The following SPAG16 variants were observed in gnomAD, a reference collection of about 807,000 sequenced individuals.
SPAG16 encodes the protein sperm associated antigen 16.
In SPAG16, 86 loss-of-function variants were observed where a neutral mutation model predicts 80.4. That is an observed-to-expected ratio of 1.07 (90% CI 0.90 to 1.28). The LOEUF (loss-of-function observed/expected upper bound fraction) is 1.28, where lower values mean the gene tolerates loss of function less well. Among genes scored for constraint, SPAG16 ranks in the 50% most tolerant of loss-of-function variants. The pLI is 0.00. For missense variants in SPAG16, 870 were observed against 765.3 expected, an observed-to-expected ratio of 1.14 and a Z score of -1.61; for synonymous variants, 294 against 265.9, an observed-to-expected ratio of 1.11 and a Z score of -1.03.
intron 10 of SPAG16, among the ~76,000 whole-genome samples, chr2:213,813,216 A>G (rs2072290042): frequency 6.6e-6 from 1 of 152,236 alleles, no homozygotes; most frequent in Admixed American, 6.5e-5. Context: ...AACACCTTCA[A>G]AGAGAGGCAG....
At chr2:213,789,156 T>TA (rs1268081112) in intron 10 of SPAG16, among the ~76,000 whole-genome samples, 2 of 151,960 alleles carry the variant, frequency 1.3e-5, no homozygotes, top group Non-Finnish European at 2.9e-5. Flanking sequence ...AAAAATAGAT[T>TA]AAAAATCCTT....
intron 10 of SPAG16, among the ~76,000 whole-genome samples, chr2:213,756,459 C>T (rs1019707643): frequency 1.1e-4 from 16 of 152,164 alleles, no homozygotes; most frequent in African/African-American, 3.6e-4. Context: ...CACCACTGCA[C>T]TCCAGCCTAG....
At chr2:213,685,770 A>G (rs567085588) in intron 10 of SPAG16, among the ~76,000 whole-genome samples, 6 of 152,312 alleles carry the variant, frequency 3.9e-5, no homozygotes, top group South Asian at 2.1e-4. Flanking sequence ...CTTGGACACT[A>G]GAGTGGTAGT....
chr2:213,833,431 A>ATG lies in SPAG16; in HGVS notation c.1071-29044_1071-29043dup, dbSNP rs201849245. ...TGTGTATGTATGTATGTATCTATGTATGTGTGTGTGTATATATATATATTA... is the reference window on the plus strand; with the variant it reads ...TGTGTATGTATGTATGTATCTATGTATGTGTGTGTGTGTATATATATATATTA... On this transcript the variant is annotated intron_variant, in intron 10 of 15. Transcript: ENST00000331683. Among the ~76,000 whole-genome samples the ATG allele has an allele frequency of 1.3e-4, 4 of 29,818 alleles. 1 individual carries two copies. In the East Asian group the frequency reaches 3.6e-3, roughly 27 times the overall value. The allele number at this position is 29,818 out of a possible 152,430, so 19.6% of individuals were successfully genotyped here.
At chr2:213,718,652 G>T (rs10153920) in intron 10 of SPAG16, among the ~76,000 whole-genome samples, 152,083 of 152,098 alleles carry the variant, frequency 1, 76,034 homozygotes, top group African/African-American at 1. Flanking sequence ...GCTGCGGAGG[G>T]TGTACTGAGT....
At chr2:213,949,935 A>T (rs2079660332) in intron 12 of SPAG16, among the ~76,000 whole-genome samples, 1 of 152,210 alleles carries the variant, frequency 6.6e-6, no homozygotes, top group Non-Finnish European at 1.5e-5. Context: ...CAATTCTTAC[A>T]CGTGTGAACA....
chr2:213,988,349 G>A (rs1434601196), intron 12 of SPAG16, among the ~76,000 whole-genome samples: 1 of 151,840 alleles, frequency 6.6e-6, no homozygotes, highest in Non-Finnish European at 1.5e-5. Context: ...TGTATCTTGG[G>A]CCATAAAACA....
intron 10 of SPAG16, among the ~76,000 whole-genome samples, chr2:213,581,903 A>G (rs1004037937): frequency 6.6e-6 from 1 of 152,104 alleles, no homozygotes; most frequent in African/African-American, 2.4e-5. Flanking sequence ...CTTTCATTTA[A>G]AAGAGCCACA....
intron 6 of SPAG16, among the ~76,000 whole-genome samples, chr2:213,342,221 A>G (rs1312775323): frequency 6.6e-6 from 1 of 151,170 alleles, no homozygotes; most frequent in Non-Finnish European, 1.5e-5. Context: ...GTATGTATTT[A>G]TGAATATGTA....
intron 13 of SPAG16, among the ~76,000 whole-genome samples, chr2:214,053,055 A>G (rs1209649050): frequency 2.6e-5 from 4 of 152,208 alleles, no homozygotes; most frequent in Non-Finnish European, 5.9e-5. Context: ...GGGACCAAAA[A>G]TTGATTTAAG....
At chr2:213,662,057 T>C (rs574055104) in intron 10 of SPAG16, among the ~76,000 whole-genome samples, 1 of 151,058 alleles carries the variant, frequency 6.6e-6, no homozygotes, top group Non-Finnish European at 1.5e-5. Context: ...ACAGTATTGA[T>C]AAACCTTATT....
At chr2:213,369,764 G>A (rs573798485) in intron 8 of SPAG16, among the ~76,000 whole-genome samples, 3 of 152,200 alleles carry the variant, frequency 2.0e-5, no homozygotes, top group African/African-American at 7.2e-5. Context: ...TAGCAAAATT[G>A]AGTGGAAGGT....
chr2:214,107,604 T>A (rs140537292), intron 13 of SPAG16, among the ~76,000 whole-genome samples: 1 of 152,196 alleles, frequency 6.6e-6, no homozygotes, highest in Non-Finnish European at 1.5e-5. Context: ...TAATTTTAAT[T>A]TTAGCTATTA....
At position 213,442,616 on chromosome 2, in the gene SPAG16, C is replaced by T. The variant is rs79139206; in HGVS notation, c.943-47347C>T. On this transcript the variant is annotated intron_variant, in intron 9 of 15. Coordinates refer to ENST00000331683, the MANE Select transcript of SPAG16 (RefSeq NM_024532.5). ...ATAGAGTGGCCAACAAATACAGCCA[C>T]ACAAATATAGTCAATTGATATTTGA... 2.8e-3 allele frequency among the ~76,000 whole-genome samples: 420 copies of T among 152,082 alleles called. 16 individuals carry two copies. The East Asian group carries it at 0.063, about 23-fold the overall frequency.
intron 15 of SPAG16, among the ~76,000 whole-genome samples, chr2:214,409,529 AAATTT>A (rs1213094609): frequency 6.6e-6 from 1 of 152,164 alleles, no homozygotes; most frequent in East Asian, 1.9e-4. Context: ...TATGTAAAAA[AAATTT>A]AATTTATCAA....
intron 10 of SPAG16, among the ~76,000 whole-genome samples, chr2:213,823,685 A>G (rs1007811627): frequency 6.6e-6 from 1 of 151,654 alleles, no homozygotes; most frequent in Non-Finnish European, 1.5e-5. Flanking sequence ...TTTTTCATAT[A>G]TTTCTTGGCT....
At chr2:214,357,312 A>G (rs569933067) in intron 15 of SPAG16, among the ~76,000 whole-genome samples, 2 of 151,904 alleles carry the variant, frequency 1.3e-5, no homozygotes, top group African/African-American at 4.8e-5. Flanking sequence ...ATATCCTATG[A>G]TCTCCTACTG....
At chr2:214,163,095 A>C (rs1024206181) in intron 15 of SPAG16, among the ~76,000 whole-genome samples, 5 of 152,132 alleles carry the variant, frequency 3.3e-5, no homozygotes. Flanking sequence ...CACAAATGGT[A>C]ACTAATTTAT....
At chr2:213,509,874 AG>A (rs1309573673) in intron 10 of SPAG16, among the ~76,000 whole-genome samples, 2 of 152,234 alleles carry the variant, frequency 1.3e-5, no homozygotes, top group Admixed American at 6.5e-5. Context: ...TAATGAATCC[AG>A]CAGCTGGTTT....
Sources: allele counts gnomAD v4.1 joint callset (sites outside exome capture counted in the v4.1 genomes callset), GRCh38; gene constraint gnomAD v4.1.1; transcripts MANE v1.5; gene names NCBI Gene and HGNC (gene_info 2026-07-23, HGNC 2026-07-21).